Variants in FHIT observed in about 807,000 individuals in gnomAD.
The protein encoded by FHIT is bis(5'-adenosyl)-triphosphatase.
FHIT carries 19 observed loss-of-function variants against 17.9 expected under a neutral mutation model. The ratio of observed to expected loss-of-function variants is 1.06; its 90% CI spans 0.74 to 1.56. FHIT has a LOEUF of 1.56. FHIT is among the 40% of genes most tolerant of loss of function. FHIT has a pLI of 0.00. For synonymous variants in FHIT, 81 were observed against 69.7 expected, an observed-to-expected ratio of 1.16 and a Z score of -0.81; for missense variants, 248 against 189.2, an observed-to-expected ratio of 1.31 and a Z score of -1.82.
chr3:60,556,418 G>T (rs241671), intron 4 of FHIT, among the ~76,000 whole-genome samples: 86,836 of 152,052 alleles, frequency 0.57, 25,581 homozygotes, highest in African/African-American at 0.72. Flanking sequence ...CTCTTCCTTG[G>T]CTTCATATCC....
At chr3:60,761,536 T>A (rs545004236) in intron 4 of FHIT, among the ~76,000 whole-genome samples, 1 of 152,060 alleles carries the variant, frequency 6.6e-6, no homozygotes, top group Non-Finnish European at 1.5e-5. Context: ...ACCCTTTGAA[T>A]GTCTGATTTG....
chr3:61,222,606 C>T (rs2039868932), intron 1 of FHIT, among the ~76,000 whole-genome samples: 1 of 152,180 alleles, frequency 6.6e-6, no homozygotes, highest in Admixed American at 6.5e-5. Flanking sequence ...ACTTGATAGA[C>T]AGGCTGCTGA....
At chr3:60,269,561 T>A (rs1706760231) in intron 5 of FHIT, among the ~76,000 whole-genome samples, 1 of 152,228 alleles carries the variant, frequency 6.6e-6, no homozygotes, top group Non-Finnish European at 1.5e-5. Flanking sequence ...TGTGTATGAC[T>A]TAAACACAAA....
At chr3:60,273,640 T>G (rs985811478) in intron 5 of FHIT, among the ~76,000 whole-genome samples, 1 of 152,112 alleles carries the variant, frequency 6.6e-6, no homozygotes, top group Non-Finnish European at 1.5e-5. Context: ...TCATTATTTT[T>G]TATAATGATC....
intron 5 of FHIT, among the ~76,000 whole-genome samples, chr3:60,131,031 A>G (rs1208219575): frequency 2.7e-5 from 2 of 74,294 alleles, no homozygotes; most frequent in Admixed American, 3.1e-4. Flanking sequence ...ATATATACAT[A>G]TGTGTATATA....
At chr3:60,175,239 G>A (rs1015437577) in intron 5 of FHIT, among the ~76,000 whole-genome samples, 1 of 152,174 alleles carries the variant, frequency 6.6e-6, no homozygotes, top group Non-Finnish European at 1.5e-5. Flanking sequence ...TACACTGAAT[G>A]TCTACTCCTA....
chr3:60,270,789 A>T (rs1706820734), intron 5 of FHIT, among the ~76,000 whole-genome samples: 2 of 152,228 alleles, frequency 1.3e-5, no homozygotes, highest in South Asian at 2.1e-4. Context: ...TGGCAAAAAG[A>T]GAAAGAATCT....
intron 5 of FHIT, among the ~76,000 whole-genome samples, chr3:60,455,579 T>C (rs2032039363): frequency 6.6e-6 from 1 of 152,158 alleles, no homozygotes; most frequent in Admixed American, 6.6e-5. Flanking sequence ...TTAGTATGAA[T>C]AATAATTATT....
intron 7 of FHIT, among the ~76,000 whole-genome samples, chr3:59,976,155 A>G (rs961790898): frequency 5.3e-5 from 8 of 152,100 alleles, no homozygotes; most frequent in African/African-American, 1.9e-4. Flanking sequence ...CCCAACAAGT[A>G]CTGGATGCTG....
At chr3:60,516,489 G>A (rs377390956) in intron 5 of FHIT, among the ~76,000 whole-genome samples, 1 of 152,052 alleles carries the variant, frequency 6.6e-6, no homozygotes, top group African/African-American at 2.4e-5. Flanking sequence ...GACCTTCCGG[G>A]GCCCCAGGAC....
At chr3:60,432,599 G>A (rs938372788) in intron 5 of FHIT, among the ~76,000 whole-genome samples, 2 of 152,018 alleles carry the variant, frequency 1.3e-5, no homozygotes, top group South Asian at 4.1e-4. Flanking sequence ...CTAGCATGCA[G>A]GCAATTTACA....
At chr3:59,940,107 A>C (rs1414888968) in intron 7 of FHIT, among the ~76,000 whole-genome samples, 1 of 152,298 alleles carries the variant, frequency 6.6e-6, no homozygotes, top group African/African-American at 2.4e-5. Context: ...TCAGAGCTTC[A>C]GATTTCTTGT....
At chr3:60,899,821 A>T (rs1706013486) in intron 3 of FHIT, among the ~76,000 whole-genome samples, 1 of 152,194 alleles carries the variant, frequency 6.6e-6, no homozygotes, top group Admixed American at 6.5e-5. Context: ...AGCTGGGCTT[A>T]TGGGGATGGA....
At chr3:60,208,020 A>G (rs941694225) in intron 5 of FHIT, among the ~76,000 whole-genome samples, 1 of 152,210 alleles carries the variant, frequency 6.6e-6, no homozygotes, top group Non-Finnish European at 1.5e-5. Context: ...GAGGCAACCA[A>G]CCTGATTCAC....
intron 8 of FHIT, among the ~76,000 whole-genome samples, chr3:59,850,477 TA>T (rs1360443314): frequency 6.6e-6 from 1 of 151,860 alleles, no homozygotes. Context: ...AGCCCTCCAA[TA>T]AAAAATGTGG....
intron 4 of FHIT, among the ~76,000 whole-genome samples, chr3:60,779,101 T>C (rs1553725140): frequency 6.6e-6 from 1 of 152,220 alleles, no homozygotes; most frequent in African/African-American, 2.4e-5. Flanking sequence ...AAAAAGCCTA[T>C]GTAGAAATAG....
intron 5 of FHIT, among the ~76,000 whole-genome samples, chr3:60,030,220 C>A (rs761260742): frequency 6.6e-6 from 1 of 151,864 alleles, no homozygotes; most frequent in African/African-American, 2.4e-5. Flanking sequence ...ACATCAATAC[C>A]ATGCATGTTC....
At chr3:60,019,408 G>A (rs1700466823) in intron 5 of FHIT, among the ~76,000 whole-genome samples, 1 of 124,714 alleles carries the variant, frequency 8.0e-6, no homozygotes, top group Non-Finnish European at 1.7e-5. Flanking sequence ...TTAGAGTTGA[G>A]ATGCTCCTTT....
intron 7 of FHIT, among the ~76,000 whole-genome samples, chr3:59,971,290 G>A (rs1055214119): frequency 6.6e-6 from 1 of 152,076 alleles, no homozygotes; most frequent in African/African-American, 2.4e-5. Context: ...TTTGATAGCT[G>A]CAAGAATATT....
Sources: allele counts gnomAD v4.1 joint callset (sites outside exome capture counted in the v4.1 genomes callset), GRCh38; gene constraint gnomAD v4.1.1; transcripts MANE v1.5; gene names NCBI Gene and HGNC (gene_info 2026-07-23, HGNC 2026-07-21).